PI4K2A: variants seen among roughly 807,000 people sequenced by gnomAD.
PI4K2A encodes phosphatidylinositol 4-kinase type 2-alpha.
A neutral mutation model predicts 55.0 loss-of-function variants in PI4K2A; 20 were observed. The ratio of observed to expected loss-of-function variants is 0.36; its 90% confidence interval spans 0.26 to 0.53. The LOEUF (loss-of-function observed/expected upper bound fraction) is 0.53. Ranked by LOEUF, PI4K2A falls within the 20% of genes least tolerant of loss-of-function variation. The pLI, the probability that PI4K2A is intolerant of heterozygous loss-of-function variation, is 0.91. For missense variants in PI4K2A, 463 were observed against 637.1 expected (o/e 0.73, Z 2.94); for synonymous variants, 235 against 258.5 (o/e 0.91, Z 0.87).
chr10:97,646,219 ATT>A (rs34709946), intron 1 of PI4K2A, among the ~76,000 whole-genome samples: 20 of 141,574 alleles, frequency 1.4e-4, no homozygotes, highest in Admixed American at 1.4e-4. Flanking sequence ...GTCCTTAATA[ATT>A]TTTTTTTTTT....
At chr10:97,648,691 G>C (rs1336528236) in intron 1 of PI4K2A, among the ~76,000 whole-genome samples, 2 of 152,098 alleles carry the variant, frequency 1.3e-5, no homozygotes, top group East Asian at 1.9e-4. Flanking sequence ...GTTGCCTTTT[G>C]GTTTCCCTGT....
chr10:97,660,457 G>A (rs577738535), intron 4 of PI4K2A, among the ~76,000 whole-genome samples: 2,386 of 151,212 alleles, frequency 0.016, 32 homozygotes, highest in Non-Finnish European at 0.025. Flanking sequence ...CACCACACCC[G>A]GCTAATTTTT....
intron 1 of PI4K2A, among the ~76,000 whole-genome samples, chr10:97,649,011 G>C (rs10786361): frequency 0.17 from 25,509 of 152,116 alleles, 2,330 homozygotes; most frequent in Non-Finnish European, 0.21. Context: ...ATTTTTAAAG[G>C]AGCTGGCTTC....
intron 7 of PI4K2A, 72 bp downstream of exon 7, chr10:97,666,643 T>G (rs2041610901): frequency 7.3e-7 from 1 of 1,363,750 alleles, no homozygotes; most frequent in East Asian, 2.3e-5. Context: ...TAATTGGTCC[T>G]GACAAAAGCC....
At chr10:97,676,270 C>T (rs2041664204) in exon 9 of PI4K2A, 1 of 152,216 alleles carries the variant, frequency 6.6e-6, no homozygotes, top group Non-Finnish European at 1.5e-5. Flanking sequence ...CTGACCTGAA[C>T]TTACACTGAT....
chr10:97,673,324 C>T (rs1009744555), intron 8 of PI4K2A, among the ~76,000 whole-genome samples: 4 of 152,058 alleles, frequency 2.6e-5, no homozygotes, highest in African/African-American at 7.2e-5. Flanking sequence ...CCCAACTCTG[C>T]GTCGTTCTTT....
At chr10:97,668,399 G>C (rs1446754019) in intron 8 of PI4K2A, among the ~76,000 whole-genome samples, 1 of 152,142 alleles carries the variant, frequency 6.6e-6, no homozygotes, top group Non-Finnish European at 1.5e-5. Context: ...GCAACATGGT[G>C]AAACCCCATC....
chr10:97,643,545 CATAGGT>C (rs534774457), intron 1 of PI4K2A, among the ~76,000 whole-genome samples: 140 of 152,184 alleles, frequency 9.2e-4, no homozygotes, highest in Middle Eastern at 3.4e-3. Context: ...AAGGACAGAC[CATAGGT>C]ATGTTACTTG....
At chr10:97,658,773 C>G (rs1201354717) in intron 4 of PI4K2A, among the ~76,000 whole-genome samples, 1 of 152,140 alleles carries the variant, frequency 6.6e-6, no homozygotes, top group Non-Finnish European at 1.5e-5. Context: ...AGTAACCATC[C>G]TAATGGGTGT....
At chr10:97,641,236 G>T (rs2041467011) in intron 1 of PI4K2A, 59 bp downstream of exon 1, 15 of 1,310,426 alleles carry the variant, frequency 1.1e-5, no homozygotes, top group Non-Finnish European at 1.6e-5. Context: ...CTCCTGGGGA[G>T]TTGGGGGCTT....
At chr10:97,648,942 T>C (rs1414235891) in intron 1 of PI4K2A, among the ~76,000 whole-genome samples, 1 of 152,204 alleles carries the variant, frequency 6.6e-6, no homozygotes, top group Non-Finnish European at 1.5e-5. Context: ...AATTGATTCT[T>C]TTTGGAGGGA....
intron 5 of PI4K2A, among the ~76,000 whole-genome samples, chr10:97,664,413 G>A (rs2041600639): frequency 6.6e-6 from 1 of 152,220 alleles, no homozygotes; most frequent in Non-Finnish European, 1.5e-5. Flanking sequence ...TTGTGCAAGA[G>A]CAGCCAGCTG....
chr10:97,660,572 G>A (rs1023515635), intron 4 of PI4K2A, among the ~76,000 whole-genome samples: 3 of 152,226 alleles, frequency 2.0e-5, no homozygotes, highest in Admixed American at 2.0e-4. Flanking sequence ...GGGATTACAG[G>A]TGTGAGCCAT....
At position 97,656,867 on chromosome 10, in the gene PI4K2A, A is replaced by G. The variant is rs567693657; in HGVS notation, c.815A>G (p.Tyr272Cys). Residue 272 changes from tyrosine to cysteine, a missense_variant, in exon 4 of 9, where the codon TAT (tyrosine) becomes TGT (cysteine). This residue lies in a region of PI4K2A where 277 missense variants were observed against 432.6 expected (regional missense o/e 0.64). Coordinates refer to ENST00000370631, the Ensembl canonical transcript of PI4K2A. The surrounding 1 kb of genome is among the most constrained non-coding windows in gnomAD (Gnocchi z 4.5). ...GTTGAAGGCTACAAAGATGCAGACT[A>G]TTGGCTGCGGCGTTTTGAAGCAGAA... is the stretch of plus-strand genomic sequence containing the variant. 1.4e-5 allele frequency: 22 copies of G among 1,614,106 alleles called. No homozygotes were observed. In the Middle Eastern group the frequency reaches 1.6e-3, roughly 121 times the overall value.
intron 1 of PI4K2A, 49 bp downstream of exon 1, chr10:97,641,226 C>T (rs2041466895): frequency 2.1e-6 from 3 of 1,428,872 alleles, no homozygotes; most frequent in Non-Finnish European, 2.9e-6. Flanking sequence ...GCCGGCGGCG[C>T]TCCTGGGGAG....
At chr10:97,650,136 AT>A (rs1471584015) in intron 1 of PI4K2A, among the ~76,000 whole-genome samples, 1 of 152,166 alleles carries the variant, frequency 6.6e-6, no homozygotes, top group African/African-American at 2.4e-5. Flanking sequence ...TTAATTCCTC[AT>A]TTTTTTGGGG....
chr10:97,642,855 C>CTT (rs1564772286), intron 1 of PI4K2A, among the ~76,000 whole-genome samples: 2 of 14,658 alleles, frequency 1.4e-4, no homozygotes, highest in African/African-American at 3.6e-4. Flanking sequence ...TCCTTCCTTT[C>CTT]TTTCTTTCTT....
intron 2 of PI4K2A, among the ~76,000 whole-genome samples, chr10:97,655,409 T>C (rs1272727752): frequency 6.9e-6 from 1 of 145,976 alleles, no homozygotes; most frequent in Non-Finnish European, 1.5e-5. Context: ...CAAAAGGAAA[T>C]GAAGGGGTAC....
chr10:97,661,445 T>A (rs541974532), intron 4 of PI4K2A, among the ~76,000 whole-genome samples: 4 of 151,980 alleles, frequency 2.6e-5, no homozygotes, highest in African/African-American at 9.6e-5. Context: ...AGTTGTTTCA[T>A]AAAAAAAGAT....
Sources: allele counts gnomAD v4.1 joint callset (sites outside exome capture counted in the v4.1 genomes callset), GRCh38; gene constraint gnomAD v4.1.1; regional missense constraint gnomAD v4.1.1; non-coding constraint Gnocchi (gnomAD v3.1); transcripts MANE v1.5; gene names NCBI Gene and HGNC (gene_info 2026-07-23, HGNC 2026-07-21).